ROBO1: variants seen among roughly 807,000 people sequenced by gnomAD.
ROBO1 encodes roundabout guidance receptor 1.
A neutral mutation model predicts 195.9 loss-of-function variants in ROBO1; 149 were observed. The ratio of observed to expected loss-of-function variants is 0.76; its 90% CI spans 0.67 to 0.87. The LOEUF (loss-of-function observed/expected upper bound fraction) is 0.87. ROBO1 is among the 40% of genes least tolerant of loss of function. The pLI, the probability that ROBO1 is intolerant of heterozygous loss-of-function variation, is 0.00. For missense variants in ROBO1, 1,933 were observed against 2,068.3 expected (o/e 0.93, Z 1.27); for synonymous variants, 816 against 733.2 (o/e 1.11, Z -1.82).
At chr3:79,381,417 A>T (rs1459987169) in intron 2 of ROBO1, among the ~76,000 whole-genome samples, 1 of 150,952 alleles carries the variant, frequency 6.6e-6, no homozygotes, top group Non-Finnish European at 1.5e-5. Context: ...TGCTCATTAT[A>T]AGCCATAAGT....
At chr3:79,495,393 T>A (rs1411669688) in intron 2 of ROBO1, among the ~76,000 whole-genome samples, 1 of 152,050 alleles carries the variant, frequency 6.6e-6, no homozygotes, top group Non-Finnish European at 1.5e-5. Context: ...AATTCCTTCT[T>A]GAAAAGAACA....
intron 1 of ROBO1, among the ~76,000 whole-genome samples, chr3:79,766,558 GTC>G (rs1203028752): frequency 1.3e-5 from 2 of 151,806 alleles, no homozygotes; most frequent in African/African-American, 4.8e-5. Flanking sequence ...GGCAGAAGCC[GTC>G]TCTGCAGCGC....
chr3:79,184,236 C>T (rs1299934873), intron 2 of ROBO1, among the ~76,000 whole-genome samples: 2 of 152,142 alleles, frequency 1.3e-5, no homozygotes, highest in Admixed American at 6.5e-5. Context: ...TTCTACTGAT[C>T]GTTAATGCTC....
In ROBO1 at chr3:78,952,480, C is replaced by T. The variant is rs867877797; in HGVS notation, c.173-13553G>A. 1.3e-4 allele frequency among the ~76,000 whole-genome samples: 20 copies of T among 151,896 alleles called. 1 individual carries two copies. Among genetic ancestry groups the T allele is most frequent in the African/African-American group, 4.8e-4 (20 of 41,480 alleles). On this transcript the variant is annotated intron_variant, in intron 3 of 30. Coordinates refer to ENST00000464233, the MANE Select transcript of ROBO1 (RefSeq NM_002941.4). ...TACCTTTAAAGGAGCAGAACTGCCT[C>T]CAATTATTAACATAAATCCTATCAT...
intron 29 of ROBO1, among the ~76,000 whole-genome samples, chr3:78,602,063 TG>T (rs879772679): frequency 6.6e-6 from 1 of 151,922 alleles, no homozygotes; most frequent in African/African-American, 2.4e-5. Flanking sequence ...TGTGTGTGTG[TG>T]TGTATATATA....
chr3:79,183,686 A>G (rs2108739341), intron 2 of ROBO1, among the ~76,000 whole-genome samples: 1 of 152,348 alleles, frequency 6.6e-6, no homozygotes. Flanking sequence ...GCTTAAGGTA[A>G]TGCAGTCGGT....
chr3:79,738,005 A>T (rs928321005), intron 1 of ROBO1, among the ~76,000 whole-genome samples: 1 of 152,136 alleles, frequency 6.6e-6, no homozygotes, highest in African/African-American at 2.4e-5. Context: ...CTGACCTGGG[A>T]TCCCTTTGAG....
At chr3:78,632,863 C>G (rs1236558698) in intron 24 of ROBO1, among the ~76,000 whole-genome samples, 1 of 152,018 alleles carries the variant, frequency 6.6e-6, no homozygotes, top group Admixed American at 6.5e-5. Flanking sequence ...AAAGTAGATC[C>G]TTGAAATATT....
chr3:78,778,116 G>C (rs1427580370), intron 4 of ROBO1, among the ~76,000 whole-genome samples: 1 of 152,070 alleles, frequency 6.6e-6, no homozygotes, highest in Admixed American at 6.6e-5. Context: ...AATTGGTTCC[G>C]TTTATGTGAT....
intron 1 of ROBO1, among the ~76,000 whole-genome samples, chr3:79,705,176 T>C (rs1947731292): frequency 6.6e-6 from 1 of 152,030 alleles, no homozygotes; most frequent in African/African-American, 2.4e-5. Flanking sequence ...GCATAATTTT[T>C]AAATATAATT....
chr3:79,077,038 A>G (rs2108450815), intron 3 of ROBO1, among the ~76,000 whole-genome samples: 1 of 152,026 alleles, frequency 6.6e-6, no homozygotes, highest in South Asian at 2.1e-4. Flanking sequence ...CAAGGTGTAC[A>G]ATGTGGTGAC....
intron 2 of ROBO1, among the ~76,000 whole-genome samples, chr3:79,255,737 C>T (rs907298117): frequency 6.6e-6 from 1 of 152,122 alleles, no homozygotes; most frequent in Non-Finnish European, 1.5e-5. Context: ...AGAACTTAGA[C>T]TCAAAACTGA....
intron 1 of ROBO1, among the ~76,000 whole-genome samples, chr3:79,760,496 C>CAAAAAAA (rs1559562438): frequency 1.4e-5 from 1 of 71,528 alleles, no homozygotes; most frequent in Non-Finnish European, 3.2e-5. Flanking sequence ...CAATGCAATA[C>CAAAAAAA]CAAAAAAAAA....
chr3:79,087,957 A>T (rs1455823), intron 3 of ROBO1, among the ~76,000 whole-genome samples: 151,806 of 152,188 alleles, frequency 1, 75,715 homozygotes, highest in Non-Finnish European at 1. Context: ...TTTACATATG[A>T]TTAAAACTTA....
chr3:79,297,899 T>C (rs1293738174), intron 2 of ROBO1, among the ~76,000 whole-genome samples: 1 of 152,064 alleles, frequency 6.6e-6, no homozygotes, highest in Non-Finnish European at 1.5e-5. Flanking sequence ...TAGCATCATG[T>C]TGTCATGGAA....
intron 4 of ROBO1, among the ~76,000 whole-genome samples, chr3:78,880,465 A>G (rs2036115036): frequency 6.6e-6 from 1 of 151,726 alleles, no homozygotes; most frequent in Non-Finnish European, 1.5e-5. Flanking sequence ...TGTCCTCCCC[A>G]CAAGGCACAA....
chr3:79,273,748 G>T (rs1027127759), intron 2 of ROBO1, among the ~76,000 whole-genome samples: 1 of 150,660 alleles, frequency 6.6e-6, no homozygotes, highest in Non-Finnish European at 1.5e-5. Context: ...TCAACAATCT[G>T]TTATCAACAA....
chr3:78,888,813 T>G (rs2107342809), intron 4 of ROBO1, among the ~76,000 whole-genome samples: 1 of 152,314 alleles, frequency 6.6e-6, no homozygotes, highest in South Asian at 2.1e-4. Flanking sequence ...GTGTAAGTCT[T>G]ATAAAAATTC....
At chr3:79,438,284 A>T (rs1448578291) in intron 2 of ROBO1, among the ~76,000 whole-genome samples, 5 of 151,904 alleles carry the variant, frequency 3.3e-5, no homozygotes, top group Non-Finnish European at 5.9e-5. Context: ...ATCTTGCAGG[A>T]CTGTTGATAC....
Sources: allele counts gnomAD v4.1 joint callset (sites outside exome capture counted in the v4.1 genomes callset), GRCh38; gene constraint gnomAD v4.1.1; transcripts MANE v1.5; gene names NCBI Gene and HGNC (gene_info 2026-07-23, HGNC 2026-07-21).